CENPU: variants seen among roughly 807,000 people sequenced by gnomAD.
CENPU encodes KSHV latent nuclear antigen interacting protein 1.
CENPU carries 46 observed loss-of-function variants against 56.7 expected under a neutral mutation model. The observed-to-expected ratio is 0.81, with a 90% CI of 0.64 to 1.04. The LOEUF is 1.04. CENPU is among the 50% of genes least tolerant of loss of function. The probability of loss-of-function intolerance (pLI) is 0.00; values close to 1 mark genes in which losing one functional copy is unlikely to be tolerated. For synonymous variants in CENPU, 166 were observed against 163.0 expected, an observed-to-expected ratio of 1.02 and a Z score of -0.14; for missense variants, 510 against 490.1, an observed-to-expected ratio of 1.04 and a Z score of -0.38.
Position 184,719,686 on chromosome 4 carries a change from C to G in CENPU, c.321-2490G>C, listed in dbSNP as rs73874435. Reference sequence around the variant, plus strand: ...TGTGGCTAAGGGTGTACTGGCATCACCCCTCCCCCAGGCCCAGGCAGCACA... The same window carrying G: ...TGTGGCTAAGGGTGTACTGGCATCAGCCCTCCCCCAGGCCCAGGCAGCACA... On this transcript the variant is annotated intron_variant, in intron 4 of 12. Coordinates refer to ENST00000281453, the MANE Select transcript of CENPU (RefSeq NM_024629.4). Among the ~76,000 whole-genome samples, 1,104 of 152,272 alleles carry G rather than the reference C, an allele frequency of 7.3e-3. 15 individuals are homozygous for G. The highest frequency in any genetic ancestry group is 0.025 in the African/African-American group (1,047 of 41,562).
intron 4 of CENPU, among the ~76,000 whole-genome samples, chr4:184,718,606 G>A (rs561281038): frequency 1.3e-5 from 2 of 152,308 alleles, no homozygotes; most frequent in African/African-American, 2.4e-5. Context: ...GGAAACTACC[G>A]CAGGAACGCT....
chr4:184,730,870 A>G, intron 2 of CENPU, 50 bp downstream of exon 2: 3 of 1,472,334 alleles, frequency 2.0e-6, no homozygotes, highest in Non-Finnish European at 2.8e-6. Context: ...AAAAAATGTT[A>G]TTTTGTACTG....
Position 184,694,200 on chromosome 4 carries a change from T to C in CENPU, c.*1088A>G, listed in dbSNP as rs1221816031. 14 of 1,050,216 alleles carry C rather than the reference T, an allele frequency of 1.3e-5. No homozygotes were observed. Among genetic ancestry groups the C allele is most frequent in the Non-Finnish European group, 1.6e-5 (14 of 870,688 alleles). The allele number at this position is 1,050,216 out of a possible 1,614,324, so 65.1% of individuals were successfully genotyped here. A position where few individuals can be genotyped will look rare whatever the true frequency, so the allele number is the denominator to read the frequency against. ...CAAGATAGCAAATTTATCTTCTGAT[T>C]TGTCTTCAGCTGGACTGTCCACTTG... On this transcript the variant is annotated 3_prime_UTR_variant, in exon 13 of 13. Coordinates refer to ENST00000281453, the MANE Select transcript of CENPU (RefSeq NM_024629.4).
chr4:184,733,489 G>A (rs942474991), intron 1 of CENPU: 3 of 873,700 alleles, frequency 3.4e-6, no homozygotes, highest in African/African-American at 3.6e-5. Context: ...CCGACCAAAC[G>A]CTCGCTTTCT....
chr4:184,697,971 T>A, intron 11 of CENPU, 168 bp from the exon 12 acceptor site: 6 of 558,218 alleles, frequency 1.1e-5, no homozygotes, highest in African/African-American at 3.8e-5. Flanking sequence ...CAGTTTAAAA[T>A]GTAGGAAAAA....
chr4:184,712,998 C>CT lies in CENPU; in HGVS notation c.633dup (p.Gly212ArgfsTer6). ...TTCCTTTTGTCATGAGATATCTTCC[C>CT]TTTTTTCTGAGTTTTCTACAAAAAA... is the stretch of plus-strand genomic sequence containing the variant. On this transcript the variant is annotated frameshift_variant, in exon 7 of 13. Transcript: ENST00000281453. LOFTEE classifies it high-confidence loss of function. The CT allele has an allele frequency of 6.3e-7, 1 of 1,581,440 alleles. No homozygotes were observed. Among genetic ancestry groups the CT allele is most frequent in the Non-Finnish European group, 8.6e-7 (1 of 1,162,950 alleles).
In CENPU at chr4:184,695,316, T is replaced by C. The variant is rs1432496511; in HGVS notation, c.1229A>G (p.Gln410Arg). 1 of 1,613,434 alleles carries C rather than the reference T, an allele frequency of 6.2e-7. No homozygotes were observed. Residue 410 changes from glutamine to arginine, a missense_variant, in exon 13 of 13, where the codon CAG becomes CGG. Coordinates refer to ENST00000281453, the MANE Select transcript of CENPU (RefSeq NM_024629.4). ...TCCCTGGTCAAGGAGCTTCTCTAAC[T>C]GATGGTTGATATTTCGCAGATGGCT... ...AESHLRNINH[Q>R]LEKLLDQG
chr4:184,728,628 A>C (rs1761534561), intron 3 of CENPU, among the ~76,000 whole-genome samples: 1 of 152,234 alleles, frequency 6.6e-6, no homozygotes, highest in East Asian at 1.9e-4. Flanking sequence ...GAGTGAAGTG[A>C]GAAATGTATG....
chr4:184,701,900 G>A (rs1242946043), intron 10 of CENPU, among the ~76,000 whole-genome samples, 189 bp downstream of exon 10: 1 of 152,022 alleles, frequency 6.6e-6, no homozygotes, highest in Non-Finnish European at 1.5e-5. Context: ...AAAGTGACTA[G>A]GATCCCCATT....
Position 184,724,990 on chromosome 4 carries a change from G to C in CENPU, c.287C>G (p.Ser96Cys), listed in dbSNP as rs377602332. The C allele has an allele frequency of 6.2e-7, 1 of 1,612,792 alleles. No homozygotes were observed. The highest frequency in any genetic ancestry group is 1.3e-5 in the African/African-American group (1 of 74,890). The change falls in exon 4 of 13, where the codon TCT becomes TGT. Residue 96 changes from serine to cysteine, a missense_variant. Transcript: ENST00000281453. Reference protein sequence around the residue: ...EFSKHCGLSLSSTPPGKEAKR... With the variant: ...EFSKHCGLSLCSTPPGKEAKR... ...TGCTTCTTTTCCTGGAGGAGTTGAA[G>C]AGAGAGACAGTCCACAATGTTTGGA...
chr4:184,699,021 AAGTC>A (rs1267940665), intron 11 of CENPU, among the ~76,000 whole-genome samples: 1 of 152,122 alleles, frequency 6.6e-6, no homozygotes, highest in Non-Finnish European at 1.5e-5. Context: ...AAAGAAACAA[AAGTC>A]AGTCTTTAAA....
chr4:184,710,824 TCA>T (rs1760896898), intron 7 of CENPU, among the ~76,000 whole-genome samples: 2 of 152,188 alleles, frequency 1.3e-5, no homozygotes, highest in Non-Finnish European at 2.9e-5. Context: ...TAAGGTGTTA[TCA>T]ATTTGCAAAG....
chr4:184,715,526 T>C (rs1486530004), intron 6 of CENPU, among the ~76,000 whole-genome samples: 2 of 152,210 alleles, frequency 1.3e-5, no homozygotes, highest in African/African-American at 4.8e-5. Flanking sequence ...TTGGCCAGGC[T>C]GGTCTCGAAC....
At chr4:184,732,981 G>A (rs1368836324) in intron 1 of CENPU, among the ~76,000 whole-genome samples, 2 of 52,548 alleles carry the variant, frequency 3.8e-5, no homozygotes, top group South Asian at 9.7e-4. Flanking sequence ...GTGAGACTCC[G>A]TCTCAAAAAA....
chr4:184,731,195 G>C (rs117702774), intron 1 of CENPU, among the ~76,000 whole-genome samples: 1 of 152,118 alleles, frequency 6.6e-6, no homozygotes, highest in Non-Finnish European at 1.5e-5. Flanking sequence ...CTTTTTCCCT[G>C]AGGCCTTAAT....
At chr4:184,725,150 A>G (rs886519090) in intron 3 of CENPU, 88 bp from the exon 4 acceptor site, 5 of 699,116 alleles carry the variant, frequency 7.2e-6, no homozygotes, top group Non-Finnish European at 1.2e-5. Flanking sequence ...GGAGTACAAA[A>G]CAATCTTTGT....
At chr4:184,697,566 C>T (rs1391930717) in intron 12 of CENPU, 81 bp downstream of exon 12, 2 of 1,358,532 alleles carry the variant, frequency 1.5e-6, no homozygotes, top group East Asian at 4.7e-5. Flanking sequence ...TGTCTTTCCC[C>T]AAAGCTTCTG....
intron 4 of CENPU, among the ~76,000 whole-genome samples, chr4:184,723,395 T>C (rs1761342513): frequency 6.6e-6 from 1 of 152,174 alleles, no homozygotes; most frequent in Admixed American, 6.5e-5. Context: ...ATAGTAGACA[T>C]GATATGAAGA....
intron 11 of CENPU, among the ~76,000 whole-genome samples, chr4:184,700,612 G>A (rs371204052): frequency 6.6e-6 from 1 of 152,190 alleles, no homozygotes. Flanking sequence ...CCAGAGCTGA[G>A]AAATCTGTGG....
Sources: gnomAD v4.1 joint callset for allele counts (sites outside exome capture counted in the v4.1 genomes callset) on GRCh38, gnomAD v4.1.1 for gene constraint, MANE v1.5 for transcripts, NCBI Gene and HGNC (gene_info 2026-07-23, HGNC 2026-07-21) for gene names.